ARHGAP26: variants seen among roughly 807,000 people sequenced by gnomAD.
ARHGAP26 encodes rho GTPase-activating protein 26.
A neutral mutation model predicts 104.8 loss-of-function variants in ARHGAP26; 38 were observed. The observed-to-expected ratio is 0.36, with a 90% CI of 0.28 to 0.48. The LOEUF is 0.48. Ranked by LOEUF, ARHGAP26 falls within the 20% of genes least tolerant of loss-of-function variation. The pLI is 0.99. For synonymous variants in ARHGAP26, 341 were observed against 340.0 expected (o/e 1.00, Z -0.03); for missense variants, 704 against 947.9 (o/e 0.74, Z 3.38).
chr5:143,125,946 C>T (rs1160428006), intron 18 of ARHGAP26, among the ~76,000 whole-genome samples: 3 of 152,286 alleles, frequency 2.0e-5, no homozygotes, highest in Non-Finnish European at 1.5e-5. Flanking sequence ...ACTCTCAGAA[C>T]CCAAGCTATT....
chr5:143,066,771 T>C (rs1291033865), intron 17 of ARHGAP26, among the ~76,000 whole-genome samples: 1 of 152,238 alleles, frequency 6.6e-6, no homozygotes, highest in Non-Finnish European at 1.5e-5. Flanking sequence ...TGCTTGTGTT[T>C]GCTTAGCAGT....
intron 1 of ARHGAP26, among the ~76,000 whole-genome samples, chr5:142,785,261 T>G (rs535583626): frequency 6.6e-6 from 1 of 152,336 alleles, no homozygotes; most frequent in African/African-American, 2.4e-5. Flanking sequence ...GCTTCGTCTC[T>G]TGATCTTGTG....
chr5:143,131,947 G>A (rs769889944), intron 18 of ARHGAP26, among the ~76,000 whole-genome samples: 4 of 152,204 alleles, frequency 2.6e-5, no homozygotes, highest in Admixed American at 6.5e-5. Context: ...GGCTCAGTAA[G>A]AGACTAGAGA....
chr5:142,916,299 A>C (rs1045090952), intron 10 of ARHGAP26, among the ~76,000 whole-genome samples: 1 of 152,190 alleles, frequency 6.6e-6, no homozygotes, highest in African/African-American at 2.4e-5. Context: ...ATATCATGTT[A>C]TTTTGTAACA....
chr5:143,037,341 T>G, intron 13 of ARHGAP26, 80 bp downstream of exon 13: 1 of 1,269,724 alleles, frequency 7.9e-7, no homozygotes, highest in Non-Finnish European at 1.1e-6. Flanking sequence ...ACCTGCTGTT[T>G]CCTGACTTTA....
In ARHGAP26 at chr5:143,097,021, G is replaced by A. The variant is rs1429396422; in HGVS notation, c.1539-23967G>A. Among the ~76,000 whole-genome samples, 4 of 152,162 alleles carry A rather than the reference G, an allele frequency of 2.6e-5. No individual in the cohort carries two copies. In the East Asian group the frequency reaches 7.7e-4, roughly 29 times the overall value. On this transcript the variant is annotated intron_variant, in intron 17 of 22. Coordinates refer to ENST00000645722, the MANE Select transcript of ARHGAP26 (RefSeq NM_001135608.3). ...GCACTTTGGGAGGCCAAGGCAGATG[G>A]ATCACATGTATCTCCATTTTCTGGA...
chr5:142,939,293 C>G (rs562436508), intron 11 of ARHGAP26, among the ~76,000 whole-genome samples: 1 of 152,222 alleles, frequency 6.6e-6, no homozygotes, highest in Admixed American at 6.5e-5. Context: ...TCAACCTTTA[C>G]TTTTTAAGTA....
At chr5:142,992,649 G>T (rs755929116) in intron 11 of ARHGAP26, among the ~76,000 whole-genome samples, 1 of 151,884 alleles carries the variant, frequency 6.6e-6, no homozygotes, top group Non-Finnish European at 1.5e-5. Flanking sequence ...GGATGGTCTC[G>T]ATCTCCTGAC....
chr5:142,960,695 A>G (rs973253995), intron 11 of ARHGAP26, among the ~76,000 whole-genome samples: 2 of 152,242 alleles, frequency 1.3e-5, no homozygotes, highest in African/African-American at 4.8e-5. Flanking sequence ...GCTAAGCTTA[A>G]TTTATTGAGA....
At chr5:142,919,161 C>T (rs407776) in intron 10 of ARHGAP26, 27 of 397,928 alleles carry the variant, frequency 6.8e-5, no homozygotes, top group Non-Finnish European at 1.2e-4. Flanking sequence ...GTTAAAATGA[C>T]GTCATTAGGG....
rs757784265 is a variant in ARHGAP26 at position 142,872,420 on chromosome 5, CA to C, written c.155-979del. 4.3e-4 allele frequency among the ~76,000 whole-genome samples: 65 copies of C among 152,252 alleles called. 2 individuals are homozygous for C. Among genetic ancestry groups the C allele is most frequent in the Admixed American group, 1.8e-3 (28 of 15,296 alleles). ...TCCCTTGGGCATTTGGACATAATGC[CA>C]TTTCCCCTTCAATGAGGGAACCATG... On this transcript the variant is annotated intron_variant, in intron 1 of 22. Transcript: ENST00000645722.
intron 1 of ARHGAP26, among the ~76,000 whole-genome samples, chr5:142,846,470 CCTT>C (rs1397832560): frequency 3.3e-4 from 50 of 152,132 alleles, no homozygotes; most frequent in East Asian, 7.7e-4. Context: ...GTCTGTTTGA[CCTT>C]CTTCTCCTCT....
intron 1 of ARHGAP26, among the ~76,000 whole-genome samples, chr5:142,793,681 G>A (rs1483144788): frequency 6.6e-6 from 1 of 151,990 alleles, no homozygotes; most frequent in African/African-American, 2.4e-5. Flanking sequence ...TCCACCTCCC[G>A]AGTTTAAGTG....
chr5:143,123,373 T>C (rs1796358363), intron 18 of ARHGAP26, among the ~76,000 whole-genome samples: 1 of 152,236 alleles, frequency 6.6e-6, no homozygotes, highest in Admixed American at 6.5e-5. Flanking sequence ...TCCCTCAGTC[T>C]TTTTTGGAAG....
chr5:142,824,182 T>C (rs926339459), intron 1 of ARHGAP26, among the ~76,000 whole-genome samples: 4 of 152,192 alleles, frequency 2.6e-5, no homozygotes, highest in African/African-American at 9.7e-5. Context: ...GTTCCCATGC[T>C]CTGTGTCTTA....
At chr5:142,822,893 C>G (rs1227559703) in intron 1 of ARHGAP26, among the ~76,000 whole-genome samples, 1 of 152,168 alleles carries the variant, frequency 6.6e-6, no homozygotes, top group South Asian at 2.1e-4. Flanking sequence ...GGAGACCAGT[C>G]AGTAAATAGT....
At chr5:142,802,636 T>A (rs1410635340) in intron 1 of ARHGAP26, among the ~76,000 whole-genome samples, 1 of 151,880 alleles carries the variant, frequency 6.6e-6, no homozygotes, top group East Asian at 1.9e-4. Flanking sequence ...GGCTCTGGAG[T>A]GTTTTTGGGA....
At chr5:142,973,122 C>T (rs1195228784) in intron 11 of ARHGAP26, among the ~76,000 whole-genome samples, 1 of 152,162 alleles carries the variant, frequency 6.6e-6, no homozygotes, top group African/African-American at 2.4e-5. Flanking sequence ...AAAATGGACC[C>T]TGACAGCTCA....
At chr5:142,806,153 C>T (rs1035175854) in intron 1 of ARHGAP26, among the ~76,000 whole-genome samples, 3 of 152,204 alleles carry the variant, frequency 2.0e-5, no homozygotes. Context: ...GAATGCAAGG[C>T]ACAAAGACGG....
Sources: gnomAD v4.1 joint callset for allele counts (sites outside exome capture counted in the v4.1 genomes callset) on GRCh38, gnomAD v4.1.1 for gene constraint, MANE v1.5 for transcripts, NCBI Gene and HGNC (gene_info 2026-07-23, HGNC 2026-07-21) for gene names.